Variants in GIGYF2 observed in about 807,000 individuals in gnomAD.
The protein encoded by GIGYF2 is GRB10 interacting GYF protein 2, also known as GRB10-interacting GYF protein 2.
A neutral mutation model predicts 208.1 loss-of-function variants in GIGYF2; 25 were observed. The ratio of observed to expected loss-of-function variants is 0.12; its 90% CI spans 0.09 to 0.17. GIGYF2 has a LOEUF of 0.17. Ranked by LOEUF, GIGYF2 falls within the 10% of genes least tolerant of loss-of-function variation. The pLI is 1.00. For synonymous variants in GIGYF2, 534 were observed against 543.8 expected (o/e 0.98, Z 0.25); for missense variants, 1,302 against 1,579.4 (o/e 0.82, Z 2.98).
intron 21 of GIGYF2, among the ~76,000 whole-genome samples, chr2:232,820,316 CTTT>C (rs199677992): frequency 8.9e-4 from 124 of 138,720 alleles, no homozygotes; most frequent in Non-Finnish European, 8.1e-4. Flanking sequence ...GCAATAATTT[CTTT>C]TTTTTTTTTT....
chr2:232,717,642 G>A (rs77119473), intron 2 of GIGYF2, among the ~76,000 whole-genome samples: 2,374 of 152,168 alleles, frequency 0.016, 70 homozygotes, highest in African/African-American at 0.054. Flanking sequence ...TTCTGTAGGC[G>A]GTACAAGAAA....
intron 6 of GIGYF2, among the ~76,000 whole-genome samples, chr2:232,759,902 A>G (rs746242494): frequency 6.6e-6 from 1 of 152,058 alleles, no homozygotes; most frequent in Admixed American, 6.6e-5. Flanking sequence ...GTCCTGATAC[A>G]TTTCTTTTTA....
At position 232,819,868 on chromosome 2, in the gene GIGYF2, A is replaced by G. The variant is rs996740409; in HGVS notation, c.2412A>G (p.Leu804=). Residue 804 remains leucine (L), a synonymous_variant, in exon 21 of 29, where the codon TTA becomes TTG. Coordinates refer to ENST00000373563, the MANE Select transcript of GIGYF2 (RefSeq NM_001103146.3). ...GCCAGCGGGAGCAAGAAATTGCATT[A>G]AGGCGACAGCGAGAAGAGGAAGAAA... ...LRRQREQEIA[L]RRQREEEERQ... is the part of the protein sequence containing the mutation. 6.3e-7 allele frequency: 1 copy of G among 1,590,356 alleles called. No homozygotes were observed. The highest frequency in any genetic ancestry group is 2.3e-5 in the East Asian group (1 of 44,116).
intron 11 of GIGYF2, 42 bp downstream of exon 11, chr2:232,791,212 A>G: frequency 6.2e-7 from 1 of 1,613,962 alleles, no homozygotes; most frequent in South Asian, 1.1e-5. Context: ...TTCCTCCATC[A>G]AACCAAAACT....
At chr2:232,813,170 C>T (rs549033640) in intron 18 of GIGYF2, among the ~76,000 whole-genome samples, 3 of 150,782 alleles carry the variant, frequency 2.0e-5, no homozygotes, top group South Asian at 4.2e-4. Flanking sequence ...GGTGAAGCAC[C>T]GCTGTTTCTT....
intron 28 of GIGYF2, among the ~76,000 whole-genome samples, chr2:232,854,596 C>G (rs1283940887): frequency 6.6e-6 from 1 of 152,080 alleles, no homozygotes; most frequent in African/African-American, 2.4e-5. Context: ...TTGATGGGGT[C>G]AAACTCAGGA....
intron 22 of GIGYF2, among the ~76,000 whole-genome samples, chr2:232,833,880 C>CT (rs79831639): frequency 2.5e-3 from 352 of 140,320 alleles, no homozygotes; most frequent in Admixed American, 5.2e-3. Flanking sequence ...GGATTCAAAA[C>CT]TTTTTTTTTT....
chr2:232,711,305 G>T (rs6739638), intron 2 of GIGYF2, among the ~76,000 whole-genome samples: 2 of 135,034 alleles, frequency 1.5e-5, no homozygotes, highest in East Asian at 2.2e-4. Context: ...TCACCATGTT[G>T]CCCAGGCTTT....
rs1316172407 is a variant in GIGYF2 at position 232,768,535 on chromosome 2, T to G, written c.532+7099T>G. 1.2e-6 allele frequency: 2 copies of G among 1,614,130 alleles called. No homozygotes were observed. The highest frequency in any genetic ancestry group is 1.7e-5 in the Admixed American group (1 of 60,002). On this transcript the variant is annotated intron_variant, in intron 8 of 28. Transcript: ENST00000373563. The stretch of plus-strand genomic sequence containing the variant: ...GTAGCCAGAGGACTTGATGGTGTAA[T>G]GGAGTGATAGTACGTTAGTGGAAAG...
At chr2:232,710,882 G>T (rs184735253) in intron 2 of GIGYF2, among the ~76,000 whole-genome samples, 3 of 151,810 alleles carry the variant, frequency 2.0e-5, no homozygotes, top group Non-Finnish European at 4.4e-5. Context: ...TGTATTTTTA[G>T]TAGAGACAGG....
At chr2:232,778,466 G>A (rs996635648) in intron 8 of GIGYF2, among the ~76,000 whole-genome samples, 1 of 152,168 alleles carries the variant, frequency 6.6e-6, no homozygotes, top group Non-Finnish European at 1.5e-5. Flanking sequence ...TTGTAGACCA[G>A]CTCTGAAGTG....
chr2:232,812,798 G>A (rs913490561), intron 18 of GIGYF2, among the ~76,000 whole-genome samples: 5 of 152,010 alleles, frequency 3.3e-5, no homozygotes, highest in Non-Finnish European at 5.9e-5. Flanking sequence ...GGGAAAAAAA[G>A]CATACATAAA....
chr2:232,852,450 C>G (rs1690388117), intron 28 of GIGYF2, among the ~76,000 whole-genome samples: 1 of 152,132 alleles, frequency 6.6e-6, no homozygotes, highest in Non-Finnish European at 1.5e-5. Context: ...GAAGCTGAGG[C>G]AGGAGAATCA....
At chr2:232,778,094 A>G (rs975326133) in intron 8 of GIGYF2, among the ~76,000 whole-genome samples, 1 of 151,330 alleles carries the variant, frequency 6.6e-6, no homozygotes, top group South Asian at 2.1e-4. Context: ...ATGCCACCAC[A>G]TCTGGCTAAT....
At chr2:232,745,229 C>CA (rs1278836250) in intron 3 of GIGYF2, among the ~76,000 whole-genome samples, 1 of 152,042 alleles carries the variant, frequency 6.6e-6, no homozygotes, top group Non-Finnish European at 1.5e-5. Flanking sequence ...GCAAAGGAAA[C>CA]AGAGTAGCAG....
At chr2:232,727,967 C>T (rs376328015) in intron 2 of GIGYF2, among the ~76,000 whole-genome samples, 10 of 152,166 alleles carry the variant, frequency 6.6e-5, no homozygotes, top group Admixed American at 1.3e-4. Context: ...GAAAAATACC[C>T]GCAACATTGA....
intron 28 of GIGYF2, among the ~76,000 whole-genome samples, chr2:232,855,739 T>C (rs1690540732): frequency 6.6e-6 from 1 of 152,154 alleles, no homozygotes; most frequent in African/African-American, 2.4e-5. Flanking sequence ...TTCAAAGTTA[T>C]GTGGTCAAGT....
chr2:232,839,955 G>A lies in GIGYF2; in HGVS notation c.2873G>A (p.Arg958Gln), dbSNP rs750902099. 1.1e-5 allele frequency: 18 copies of A among 1,613,902 alleles called. No homozygotes were observed. Among genetic ancestry groups the A allele is most frequent in the South Asian group, 6.6e-5 (6 of 91,076 alleles). Reference sequence around the variant, plus strand: ...CAAAAACTAGAGGAAGAACGAGAACGGCAGCTTCGAGAAGAGGTAAAATTT... The same window carrying A: ...CAAAAACTAGAGGAAGAACGAGAACAGCAGCTTCGAGAAGAGGTAAAATTT... Reference protein sequence around the residue: ...EIQKLEEERERQLREEQRRQQ... With the variant: ...EIQKLEEEREQQLREEQRRQQ... The change falls in exon 23 of 29, where the codon CGG (arginine) becomes CAG (glutamine). Residue 958 changes from arginine (R) to glutamine (Q), a missense_variant. By Grantham distance (43) the Arg-to-Gln change is conservative (BLOSUM62 1). Transcript: ENST00000373563.
chr2:232,714,687 C>T (rs962883907), intron 2 of GIGYF2, among the ~76,000 whole-genome samples: 1 of 152,212 alleles, frequency 6.6e-6, no homozygotes, highest in South Asian at 2.1e-4. Flanking sequence ...GTTTTGTAGT[C>T]ATTTTTCCTC....
Sources: allele counts gnomAD v4.1 joint callset (sites outside exome capture counted in the v4.1 genomes callset), GRCh38; gene constraint gnomAD v4.1.1; transcripts MANE v1.5; gene names NCBI Gene and HGNC (gene_info 2026-07-23, HGNC 2026-07-21).